ZNF121: variants seen among roughly 807,000 people sequenced by gnomAD.
The protein encoded by ZNF121 is zinc finger protein 121, also known as zinc finger protein 121 (clone ZHC32).
Under a neutral mutation model 2.4 loss-of-function variants are expected in ZNF121, and 1 was observed. The observed-to-expected ratio is 0.41, with a 90% CI of 0.15 to 1.94. ZNF121 has a LOEUF of 1.94. Among genes scored for constraint, ZNF121 ranks in the 30% most tolerant of loss-of-function variants. ZNF121 has a pLI of 0.30. For synonymous variants in ZNF121, 173 were observed against 158.6 expected (o/e 1.09, Z -0.68); for missense variants, 369 against 466.3 (o/e 0.79, Z 1.92).
rs7255729 is a variant in ZNF121, at chr19:9,570,006, C to T, written c.-159-924G>A. Among the ~76,000 whole-genome samples the T allele has an allele frequency of 3.9e-3, 598 of 151,488 alleles. 4 individuals carry two copies. Among genetic ancestry groups the T allele is most frequent in the African/African-American group, 0.014 (566 of 41,282 alleles). ...GGCTGGAGTGTAGTGGCACAATCTT[C>T]GCTCACTACAACCTCTGCCGCCGCC... is the stretch of plus-strand genomic sequence containing the variant. On this transcript the variant is annotated intron_variant, in intron 1 of 3. Transcript: ENST00000320451.
At chr19:9,567,858 C>T (rs1045493039) in intron 3 of ZNF121, 8 of 401,654 alleles carry the variant, frequency 2.0e-5, no homozygotes, top group South Asian at 8.5e-5. Context: ...GTAATACAAG[C>T]GATGGGGAAT....
chr19:9,581,563 G>A (rs549495887), intron 1 of ZNF121, among the ~76,000 whole-genome samples: 2 of 152,106 alleles, frequency 1.3e-5, no homozygotes, highest in Non-Finnish European at 2.9e-5. Context: ...GGAGAAAAAG[G>A]GGGGGTACTA....
chr19:9,576,158 T>C (rs1293611544), intron 1 of ZNF121, among the ~76,000 whole-genome samples: 1 of 152,184 alleles, frequency 6.6e-6, no homozygotes, highest in Non-Finnish European at 1.5e-5. Flanking sequence ...TCATCTTTTC[T>C]GACCACAAGG....
At chr19:9,574,857 T>C (rs1334797315) in intron 1 of ZNF121, among the ~76,000 whole-genome samples, 1 of 152,206 alleles carries the variant, frequency 6.6e-6, no homozygotes, top group East Asian at 1.9e-4. Flanking sequence ...CTAGCAGATA[T>C]TTAAGTATGT....
At chr19:9,576,571 C>G (rs1212578676) in intron 1 of ZNF121, among the ~76,000 whole-genome samples, 1 of 151,740 alleles carries the variant, frequency 6.6e-6, no homozygotes, top group Non-Finnish European at 1.5e-5. Flanking sequence ...CCTTAAGATA[C>G]TAGAAAAGCA....
Position 9,566,169 on chromosome 19 carries a change from T to C in ZNF121, c.944A>G (p.Lys315Arg). ...IHTGEKPYEC[K>R]DCGKAFATSS... ...TGTAGCAAAGGCTTTCCCACAGTCCTTACATTCATAGGGCTTCTCTCCAGT... is the reference window on the plus strand; with the variant it reads ...TGTAGCAAAGGCTTTCCCACAGTCCCTACATTCATAGGGCTTCTCTCCAGT... Residue 315 changes from lysine (K) to arginine (R), a missense_variant, in exon 4 of 4, where the codon AAG (lysine) becomes AGG (arginine). Physicochemically the swap from Lys to Arg is conservative, Grantham distance 26 (BLOSUM62 2). Around this residue, in one of 4 missense-constraint regions of ZNF121, gnomAD observed 127 missense variants for 169.9 expected, o/e 0.75. Coordinates refer to ENST00000320451, the MANE Select transcript of ZNF121 (RefSeq NM_001008727.5). 1.2e-6 allele frequency: 2 copies of C among 1,614,180 alleles called. No individual in the cohort carries two copies. The highest frequency in any genetic ancestry group is 1.7e-6 in the Non-Finnish European group (2 of 1,180,022).
chr19:9,566,780 A>C lies in ZNF121; in HGVS notation c.333T>G (p.Asn111Lys). 6.2e-7 allele frequency: 1 copy of C among 1,614,218 alleles called. No homozygotes were observed. Reference protein sequence around the residue: ...SHLQANRITHNGETLYEQKQC... With the variant: ...SHLQANRITHKGETLYEQKQC... ...GCTTCTGTTCATAGAGTGTTTCTCC[A>C]TTGTGAGTTATCCTATTTGCCTGAA... The change falls in exon 4 of 4, where the codon AAT (asparagine) becomes AAG (lysine). Residue 111 changes from asparagine to lysine, a missense_variant. This residue lies in a region of ZNF121 where 168 missense variants were observed against 162.3 expected (regional missense o/e 1.03). Transcript: ENST00000320451.
chr19:9,566,478 C>T lies in ZNF121; in HGVS notation c.635G>A (p.Arg212His), dbSNP rs142823332. The T allele has an allele frequency of 1.3e-5, 21 of 1,613,676 alleles. No homozygotes were observed. The highest frequency in any genetic ancestry group is 6.7e-5 in the African/African-American group (5 of 74,910). ...CKECGRAFAGRSGLTKHVRIH... is the reference protein window; with the variant it reads ...CKECGRAFAGHSGLTKHVRIH... ...TCGTACATGTTTAGTAAGGCCTGAG[C>T]GCCCAGCGAAGGCTCTTCCACATTC... Residue 212 changes from arginine to histidine, a missense_variant, in exon 4 of 4, where the codon CGC becomes CAC. Arg to His is a conservative substitution (Grantham distance 29). This residue lies in a region of ZNF121 where 68 missense variants were observed against 105.5 expected (regional missense o/e 0.64). Coordinates refer to ENST00000320451, the MANE Select transcript of ZNF121 (RefSeq NM_001008727.5).
In ZNF121 at chr19:9,576,243, C is replaced by T. The variant is rs537375549; in HGVS notation, c.-159-7161G>A. The stretch of plus-strand genomic sequence containing the variant: ...AAGTGGTGGCTCATGCCTATAATCC[C>T]GGCACTTTGGGAGGCCAACATGGGG... On this transcript the variant is annotated intron_variant, in intron 1 of 3. Coordinates refer to ENST00000320451, the MANE Select transcript of ZNF121 (RefSeq NM_001008727.5). 1.3e-3 allele frequency among the ~76,000 whole-genome samples: 203 copies of T among 152,032 alleles called. 1 individual carries two copies. Among genetic ancestry groups the T allele is most frequent in the African/African-American group, 4.6e-3 (190 of 41,440 alleles).
chr19:9,569,142 C>T (rs976468516), intron 1 of ZNF121, 60 bp from the exon 2 acceptor site: 3 of 152,508 alleles, frequency 2.0e-5, no homozygotes, highest in Admixed American at 6.6e-5. Context: ...ACAAACGTAA[C>T]CAAGAAAAAA....
At chr19:9,581,845 T>C (rs2074250276) in intron 1 of ZNF121, among the ~76,000 whole-genome samples, 2 of 152,220 alleles carry the variant, frequency 1.3e-5, no homozygotes, top group Admixed American at 1.3e-4. Flanking sequence ...TTTATTTAAG[T>C]GAAATACTAG....
At position 9,563,387 on chromosome 19, in the gene ZNF121, T is replaced by C. The variant is rs2144800730; in HGVS notation, c.*2553A>G. The C allele has an allele frequency of 1.3e-5, 2 of 152,312 alleles. 1 individual carries two copies. The highest frequency in any genetic ancestry group is 4.1e-4 in the South Asian group (2 of 4,824). The allele number at this position is 152,312 out of a possible 1,614,324, so 9.4% of individuals were successfully genotyped here. ...AGTTCGTGAGGTTTAACAAGTCATT[T>C]CCATAACATAAAAGTACAAAGTGAA... is the stretch of plus-strand genomic sequence containing the variant. On this transcript the variant is annotated 3_prime_UTR_variant, in exon 4 of 4. Coordinates refer to ENST00000320451, the MANE Select transcript of ZNF121 (RefSeq NM_001008727.5).
intron 1 of ZNF121, among the ~76,000 whole-genome samples, chr19:9,581,903 C>T (rs1306313644): frequency 1.3e-5 from 2 of 152,070 alleles, no homozygotes; most frequent in African/African-American, 4.8e-5. Context: ...CGATGCATTA[C>T]CAAGTATTTA....
At chr19:9,568,301 A>G in intron 2 of ZNF121, 126 bp from the exon 3 acceptor site, 2 of 461,012 alleles carry the variant, frequency 4.3e-6, no homozygotes, top group Non-Finnish European at 7.8e-6. Context: ...AATTAAACAG[A>G]CATAGATTTG....
Position 9,565,873 on chromosome 19 carries a change from A to C in ZNF121, c.*67T>G, listed in dbSNP as rs1384081358. ...AAAATTTCTCTTCAGTGTGAATTCA[A>C]ATGTGGTAATTATGGTATGAGAAAT... On this transcript the variant is annotated 3_prime_UTR_variant, in exon 4 of 4. Coordinates refer to ENST00000320451, the MANE Select transcript of ZNF121 (RefSeq NM_001008727.5). 1 of 1,271,964 alleles carries C rather than the reference A, an allele frequency of 7.9e-7. No individual in the cohort carries two copies. Among genetic ancestry groups the C allele is most frequent in the Non-Finnish European group, 1.1e-6 (1 of 936,524 alleles). The allele number at this position is 1,271,964 out of a possible 1,614,324, so 78.8% of individuals were successfully genotyped here.
Position 9,566,601 on chromosome 19 carries a change from G to T in ZNF121, c.512C>A (p.Pro171His), listed in dbSNP as rs376283317. The T allele has an allele frequency of 6.2e-7, 1 of 1,614,162 alleles. No homozygotes were observed. The highest frequency in any genetic ancestry group is 8.5e-7 in the Non-Finnish European group (1 of 1,180,026). ...SHMRTHTGEK[P>H]YECKECGKCF... ...TTTCCCACATTCCTTACATTCATAGGGTTTCTCCCCAGTATGGGTTCGCAT... is the reference window on the plus strand; with the variant it reads ...TTTCCCACATTCCTTACATTCATAGTGTTTCTCCCCAGTATGGGTTCGCAT... Residue 171 changes from proline (P) to histidine (H), a missense_variant, in exon 4 of 4, where the codon CCC becomes CAC. By Grantham distance (77) the Pro-to-His change is moderately conservative. Transcript: ENST00000320451.
chr19:9,577,273 G>T (rs569647011), intron 1 of ZNF121, among the ~76,000 whole-genome samples: 4 of 151,888 alleles, frequency 2.6e-5, no homozygotes, highest in African/African-American at 9.7e-5. Flanking sequence ...GTGAAATCCT[G>T]TCTCTACTAA....
rs2074271368 is a variant in ZNF121, at chr19:9,584,492, G to A, written c.-191C>T. 6.6e-6 allele frequency: 1 copy of A among 152,292 alleles called. No individual in the cohort carries two copies. Among genetic ancestry groups the A allele is most frequent in the Non-Finnish European group, 1.5e-5 (1 of 68,088 alleles). The allele number at this position is 152,292 out of a possible 1,614,324, so 9.4% of individuals were successfully genotyped here. A position where few individuals can be genotyped will look rare whatever the true frequency, so the allele number is the denominator to read the frequency against. ...CAGGGTGGACTCCACCACGATAAAG[G>A]CGAAATGGCACTGACCATGCGGAGC... On this transcript the variant is annotated 5_prime_UTR_variant, in exon 1 of 4. Coordinates refer to ENST00000320451, the MANE Select transcript of ZNF121 (RefSeq NM_001008727.5).
chr19:9,567,800 C>T (rs2074144244), intron 3 of ZNF121: 1 of 285,724 alleles, frequency 3.5e-6, no homozygotes. Flanking sequence ...GTTTGTGCTT[C>T]TATGACAATC....
Sources: gnomAD v4.1 joint callset for allele counts (sites outside exome capture counted in the v4.1 genomes callset) on GRCh38, gnomAD v4.1.1 for gene constraint, gnomAD v4.1.1 regional missense constraint, MANE v1.5 for transcripts, NCBI Gene and HGNC (gene_info 2026-07-23, HGNC 2026-07-21) for gene names.